The following DLGAP2 variants were observed in gnomAD, a reference collection of about 807,000 sequenced individuals.
The protein encoded by DLGAP2 is DLG associated protein 2, also known as disks large-associated protein 2.
Under a neutral mutation model 100.3 loss-of-function variants are expected in DLGAP2, and 26 were observed. The observed-to-expected ratio is 0.26, with a 90% CI of 0.19 to 0.36. The LOEUF (loss-of-function observed/expected upper bound fraction) is 0.36, where lower values mean the gene tolerates loss of function less well. Among genes scored for constraint, DLGAP2 ranks in the 10% least tolerant of loss-of-function variants. DLGAP2 has a pLI of 1.00. For missense variants in DLGAP2, 1,858 were observed against 1,453.2 expected, an observed-to-expected ratio of 1.28 and a Z score of -4.53; for synonymous variants, 886 against 630.1, an observed-to-expected ratio of 1.41 and a Z score of -6.08.
chr8:1,677,877 A>T (rs1477062507), intron 11 of DLGAP2, among the ~76,000 whole-genome samples: 1 of 152,246 alleles, frequency 6.6e-6, no homozygotes, highest in Non-Finnish European at 1.5e-5. Context: ...CTTTGGCTGC[A>T]TAAGCTCGTA....
chr8:1,290,272 A>G (rs6980892), intron 3 of DLGAP2, among the ~76,000 whole-genome samples: 57,188 of 152,122 alleles, frequency 0.38, 11,183 homozygotes, highest in African/African-American at 0.46. Context: ...CGCGCTCCTG[A>G]CGTGGCTACA....
At chr8:1,283,049 T>C (rs1799850426) in intron 3 of DLGAP2, among the ~76,000 whole-genome samples, 1 of 140,996 alleles carries the variant, frequency 7.1e-6, no homozygotes, top group Non-Finnish European at 1.5e-5. Context: ...CATCTGGACA[T>C]GGTGTGACCT....
chr8:1,001,737 A>T (rs1056014432), intron 2 of DLGAP2, among the ~76,000 whole-genome samples: 1 of 152,192 alleles, frequency 6.6e-6, no homozygotes, highest in Non-Finnish European at 1.5e-5. Context: ...CTATTGCTGT[A>T]ACGTACACAC....
At chr8:914,307 G>A (rs1038736161) in intron 2 of DLGAP2, among the ~76,000 whole-genome samples, 2 of 152,124 alleles carry the variant, frequency 1.3e-5, no homozygotes, top group African/African-American at 2.4e-5. Flanking sequence ...GGGCTGGGGC[G>A]CTCTTTTCCT....
chr8:1,038,238 C>T (rs1802191877), intron 2 of DLGAP2, among the ~76,000 whole-genome samples: 1 of 152,240 alleles, frequency 6.6e-6, no homozygotes, highest in African/African-American at 2.4e-5. Context: ...TGCATCTCTC[C>T]TCTGGTTGGA....
intron 4 of DLGAP2, among the ~76,000 whole-genome samples, chr8:1,545,421 G>A (rs1185006279): frequency 6.6e-6 from 1 of 152,180 alleles, no homozygotes; most frequent in Non-Finnish European, 1.5e-5. Flanking sequence ...TGAATTTGGG[G>A]AGATGGTTGT....
intron 3 of DLGAP2, among the ~76,000 whole-genome samples, chr8:1,346,049 C>T (rs1801547223): frequency 6.6e-6 from 1 of 152,242 alleles, no homozygotes; most frequent in Non-Finnish European, 1.5e-5. Context: ...ACGCCATGGG[C>T]ACTGTGCTCA....
intron 1 of DLGAP2, among the ~76,000 whole-genome samples, chr8:848,077 C>T (rs1390484990): frequency 6.6e-6 from 1 of 152,178 alleles, no homozygotes; most frequent in Non-Finnish European, 1.5e-5. Flanking sequence ...CTCCCAGCCA[C>T]AGGCACCTGC....
chr8:1,338,455 G>A (rs1463811853), intron 3 of DLGAP2, among the ~76,000 whole-genome samples: 2 of 152,208 alleles, frequency 1.3e-5, no homozygotes, highest in African/African-American at 4.8e-5. Flanking sequence ...TGTAGAGACA[G>A]AAACTAAATT....
At chr8:1,205,496 G>C (rs1344005497) in intron 2 of DLGAP2, among the ~76,000 whole-genome samples, 2 of 152,184 alleles carry the variant, frequency 1.3e-5, no homozygotes, top group Non-Finnish European at 2.9e-5. Context: ...GCAATTGACA[G>C]GGGGACCCTC....
chr8:1,575,744 T>C (rs556659686), intron 6 of DLGAP2, among the ~76,000 whole-genome samples: 2 of 151,422 alleles, frequency 1.3e-5, no homozygotes, highest in African/African-American at 4.8e-5. Flanking sequence ...TTGTGATAGT[T>C]TGCTCAGAAT....
intron 2 of DLGAP2, among the ~76,000 whole-genome samples, chr8:1,141,300 A>G (rs185263365): frequency 4.6e-5 from 7 of 152,348 alleles, no homozygotes; most frequent in Admixed American, 1.3e-4. Flanking sequence ...ACTTATTTTT[A>G]AATTCTGTAA....
chr8:986,806 C>T (rs959387337), intron 2 of DLGAP2, among the ~76,000 whole-genome samples: 1 of 152,040 alleles, frequency 6.6e-6, no homozygotes, highest in Non-Finnish European at 1.5e-5. Context: ...ATTATAGGCA[C>T]CTGCCACCAT....
intron 6 of DLGAP2, among the ~76,000 whole-genome samples, chr8:1,570,627 G>T (rs1357000293): frequency 6.6e-6 from 1 of 152,246 alleles, no homozygotes; most frequent in East Asian, 1.9e-4. Context: ...CTGCTGGGAT[G>T]GAGAGGAGAG....
chr8:1,565,969 A>T (rs1032181645), intron 6 of DLGAP2, 75 bp downstream of exon 6: 5 of 1,315,180 alleles, frequency 3.8e-6, no homozygotes, highest in Non-Finnish European at 5.2e-6. Context: ...AAACCACTTC[A>T]CCGTGAGCTG....
rs368525430 is a variant in DLGAP2 at position 1,247,380 on chromosome 8, T to C, written c.74-11471T>C. On this transcript the variant is annotated intron_variant, in intron 2 of 14. Coordinates refer to ENST00000637795, the MANE Select transcript of DLGAP2 (RefSeq NM_001346810.2). ...ACATCAGTGTGGGAGTGATGGTCCA[T>C]GTTGGTGGCCGGGAAGACCTTTGAG... Among the ~76,000 whole-genome samples, 108 of 133,362 alleles carry C rather than the reference T, an allele frequency of 8.1e-4. 2 individuals are homozygous for C. The highest frequency in any genetic ancestry group is 7.0e-3 in the East Asian group (26 of 3,738). 87.5% of individuals were successfully genotyped at this position (133,362 alleles called of 152,430 possible).
At chr8:959,778 AAAG>A (rs1286489571) in intron 2 of DLGAP2, among the ~76,000 whole-genome samples, 1 of 152,190 alleles carries the variant, frequency 6.6e-6, no homozygotes, top group Non-Finnish European at 1.5e-5. Context: ...ATTTTAAACT[AAAG>A]AGGAGAGAAT....
At chr8:1,092,106 G>C (rs1301454518) in intron 2 of DLGAP2, among the ~76,000 whole-genome samples, 2 of 152,176 alleles carry the variant, frequency 1.3e-5, no homozygotes, top group African/African-American at 4.8e-5. Flanking sequence ...GGACTCTCAT[G>C]GGAGCGGCCG....
In DLGAP2 at chr8:1,700,145, C is replaced by T. The variant is rs189317417; in HGVS notation, c.2950-1043C>T. 1.0e-3 allele frequency among the ~76,000 whole-genome samples: 155 copies of T among 152,336 alleles called. 1 individual carries two copies. The highest frequency in any genetic ancestry group is 3.5e-3 in the African/African-American group (147 of 41,570). On this transcript the variant is annotated intron_variant, in intron 14 of 14. Coordinates refer to ENST00000637795, the MANE Select transcript of DLGAP2 (RefSeq NM_001346810.2). Reference sequence around the variant, plus strand: ...AAGCAGGCTTCTTGCCACAGGCCTCCTCCGTACTCACACAACTGCCTGTCT... The same window carrying T: ...AAGCAGGCTTCTTGCCACAGGCCTCTTCCGTACTCACACAACTGCCTGTCT...
Sources: allele counts gnomAD v4.1 joint callset (sites outside exome capture counted in the v4.1 genomes callset), GRCh38; gene constraint gnomAD v4.1.1; transcripts MANE v1.5; gene names NCBI Gene and HGNC (gene_info 2026-07-23, HGNC 2026-07-21).